PTPRD: variants seen among roughly 807,000 people sequenced by gnomAD.
The protein encoded by PTPRD is protein tyrosine phosphatase receptor type D, also known as receptor-type tyrosine-protein phosphatase delta.
PTPRD carries 34 observed loss-of-function variants against 214.5 expected under a neutral mutation model. The ratio of observed to expected loss-of-function variants is 0.16; its 90% CI spans 0.12 to 0.21. The LOEUF is 0.21. Among genes scored for constraint, PTPRD ranks in the 10% least tolerant of loss-of-function variants. The pLI is 1.00. For missense variants in PTPRD, 2,545 were observed against 2,398.7 expected (o/e 1.06, Z -1.27); for synonymous variants, 1,128 against 845.7 (o/e 1.33, Z -5.79).
At chr9:9,360,275 G>C (rs2055562165) in intron 9 of PTPRD, among the ~76,000 whole-genome samples, 1 of 150,872 alleles carries the variant, frequency 6.6e-6, no homozygotes, top group South Asian at 2.1e-4. Flanking sequence ...AAGATGATTG[G>C]CAAAGCCATA....
At chr9:8,625,389 TAAAC>T (rs1197629691) in intron 14 of PTPRD, among the ~76,000 whole-genome samples, 1 of 151,808 alleles carries the variant, frequency 6.6e-6, no homozygotes, top group Non-Finnish European at 1.5e-5. Context: ...CCCACGTAAT[TAAAC>T]AAATACATAA....
At chr9:8,612,112 G>GAAAACAAAAC (rs572591510) in intron 14 of PTPRD, among the ~76,000 whole-genome samples, 2 of 151,368 alleles carry the variant, frequency 1.3e-5, no homozygotes, top group African/African-American at 2.4e-5. Context: ...GAAAAGAAAA[G>GAAAACAAAAC]AAAACAAAAC....
At chr9:8,932,529 C>T (rs866544627) in intron 11 of PTPRD, among the ~76,000 whole-genome samples, 21 of 152,222 alleles carry the variant, frequency 1.4e-4, no homozygotes, top group Middle Eastern at 3.4e-3. Context: ...TCCATAAGTC[C>T]CTGACTGTGG....
At chr9:8,575,537 C>T (rs957651997) in intron 14 of PTPRD, among the ~76,000 whole-genome samples, 2 of 152,048 alleles carry the variant, frequency 1.3e-5, no homozygotes, top group African/African-American at 4.8e-5. Context: ...CCTCCCTCAC[C>T]CTATGGATTT....
intron 4 of PTPRD, among the ~76,000 whole-genome samples, chr9:9,991,026 C>G (rs897643567): frequency 1.5e-4 from 23 of 151,708 alleles, no homozygotes; most frequent in African/African-American, 4.8e-4. Context: ...CCTCTGCCTC[C>G]CAGGTTCAAG....
At chr9:10,126,218 G>T (rs2098818022) in intron 3 of PTPRD, among the ~76,000 whole-genome samples, 1 of 151,966 alleles carries the variant, frequency 6.6e-6, no homozygotes, top group Non-Finnish European at 1.5e-5. Context: ...CGATTTTCCT[G>T]ACCCCCTTCT....
chr9:9,808,140 T>G (rs2046006423), intron 5 of PTPRD, among the ~76,000 whole-genome samples: 1 of 152,192 alleles, frequency 6.6e-6, no homozygotes, highest in Non-Finnish European at 1.5e-5. Flanking sequence ...AATCCTTATG[T>G]TTGAAATTGT....
intron 10 of PTPRD, among the ~76,000 whole-genome samples, chr9:9,175,612 G>T (rs1471386707): frequency 6.8e-5 from 7 of 102,234 alleles, no homozygotes; most frequent in Non-Finnish European, 1.1e-4. Flanking sequence ...AACAGAGTGA[G>T]ACTCTGTCTC....
intron 3 of PTPRD, among the ~76,000 whole-genome samples, chr9:10,318,430 G>C (rs530990037): frequency 6.6e-6 from 1 of 151,972 alleles, no homozygotes; most frequent in African/African-American, 2.4e-5. Flanking sequence ...GTAAAACAGA[G>C]GACATATTAA....
chr9:8,575,667 A>G (rs1349416079), intron 14 of PTPRD, among the ~76,000 whole-genome samples: 2 of 152,202 alleles, frequency 1.3e-5, no homozygotes, highest in Non-Finnish European at 2.9e-5. Context: ...TTACAATGTC[A>G]GAAAAACAAG....
At chr9:9,913,749 C>A (rs2079885540) in intron 5 of PTPRD, among the ~76,000 whole-genome samples, 1 of 152,146 alleles carries the variant, frequency 6.6e-6, no homozygotes, top group Non-Finnish European at 1.5e-5. Flanking sequence ...TCCACACAAA[C>A]CCTGAAACCA....
chr9:9,044,770 C>CT (rs370296533), intron 10 of PTPRD, among the ~76,000 whole-genome samples: 8 of 152,004 alleles, frequency 5.3e-5, no homozygotes, highest in African/African-American at 1.9e-4. Context: ...TCCCTTTTAC[C>CT]TTTTTTCCAT....
intron 7 of PTPRD, among the ~76,000 whole-genome samples, chr9:9,704,969 G>C (rs1449654344): frequency 6.6e-6 from 1 of 152,172 alleles, no homozygotes; most frequent in Non-Finnish European, 1.5e-5. Flanking sequence ...ACTGTTTTAA[G>C]CCACTAAATT....
chr9:9,587,904 T>C (rs1038149479), intron 7 of PTPRD, among the ~76,000 whole-genome samples: 1 of 151,942 alleles, frequency 6.6e-6, no homozygotes, highest in Admixed American at 6.6e-5. Context: ...TATAAACACA[T>C]AGTTAGAAGA....
At chr9:9,406,221 G>A (rs1448941436) in intron 8 of PTPRD, among the ~76,000 whole-genome samples, 1 of 151,898 alleles carries the variant, frequency 6.6e-6, no homozygotes, top group Non-Finnish European at 1.5e-5. Flanking sequence ...AAGATGGTAA[G>A]GGCCAATCAT....
chr9:9,794,513 C>A lies in PTPRD; in HGVS notation c.-367-27662G>T, dbSNP rs113714092. Among the ~76,000 whole-genome samples the A allele has an allele frequency of 8.8e-5, 8 of 90,442 alleles. No homozygotes were observed. In the East Asian group the frequency reaches 1.8e-3, roughly 20 times the overall value. The allele number at this position is 90,442 out of a possible 152,430, so 59.3% of individuals were successfully genotyped here. On this transcript the variant is annotated intron_variant, in intron 5 of 45. Transcript: ENST00000381196. The stretch of plus-strand genomic sequence containing the variant: ...AGGCATGGGGGGTATATGTAGATGA[C>A]AAAAATAGAGAGGTAAGTGAGGGAT...
At chr9:9,150,988 C>T (rs925745245) in intron 10 of PTPRD, among the ~76,000 whole-genome samples, 4 of 152,168 alleles carry the variant, frequency 2.6e-5, no homozygotes, top group East Asian at 1.9e-4. Flanking sequence ...CACACAAGAT[C>T]GTGGGAGTCC....
intron 21 of PTPRD, among the ~76,000 whole-genome samples, chr9:8,510,486 G>T (rs1032851369): frequency 6.6e-6 from 1 of 152,108 alleles, no homozygotes; most frequent in Non-Finnish European, 1.5e-5. Flanking sequence ...AAATGTGGGC[G>T]CACTCTTGTC....
intron 9 of PTPRD, among the ~76,000 whole-genome samples, chr9:9,306,220 G>A (rs547179649): frequency 6.6e-6 from 1 of 151,938 alleles, no homozygotes; most frequent in Admixed American, 6.6e-5. Flanking sequence ...TTTAAGGGCT[G>A]ATTTTCCAGT....
Sources: allele counts gnomAD v4.1 joint callset (sites outside exome capture counted in the v4.1 genomes callset), GRCh38; gene constraint gnomAD v4.1.1; transcripts MANE v1.5; gene names NCBI Gene and HGNC (gene_info 2026-07-23, HGNC 2026-07-21).